Variants in ASIC2 observed in about 807,000 individuals in gnomAD.
The protein encoded by ASIC2 is acid sensing ion channel subunit 2.
In ASIC2, 25 loss-of-function variants were observed where a neutral mutation model predicts 57.3. That is an observed-to-expected ratio of 0.44 (90% confidence interval 0.32 to 0.61). The LOEUF is 0.61. Ranked by LOEUF, ASIC2 falls within the 20% of genes least tolerant of loss-of-function variation. The pLI, the probability that ASIC2 is intolerant of heterozygous loss-of-function variation, is 0.06. For missense variants in ASIC2, 641 were observed against 738.1 expected, an observed-to-expected ratio of 0.87 and a Z score of 1.52; for synonymous variants, 319 against 307.5, an observed-to-expected ratio of 1.04 and a Z score of -0.39.
chr17:33,639,761 G>GAAA (rs3032192), intron 1 of ASIC2, among the ~76,000 whole-genome samples: 32,977 of 124,782 alleles, frequency 0.26, 4,642 homozygotes, highest in South Asian at 0.34. Flanking sequence ...CTCAGGTTAA[G>GAAA]AAAAAAAAAA....
chr17:33,740,062 C>A (rs1017543568), intron 1 of ASIC2, among the ~76,000 whole-genome samples: 1 of 151,982 alleles, frequency 6.6e-6, no homozygotes, highest in Middle Eastern at 3.4e-3. Flanking sequence ...CAGGTAAGAG[C>A]CTTGGGAGCC....
chr17:33,325,120 G>C (rs1033754183), intron 1 of ASIC2, among the ~76,000 whole-genome samples: 1 of 152,104 alleles, frequency 6.6e-6, no homozygotes. Context: ...GATGCCACAA[G>C]AAACAAACAA....
At chr17:33,363,430 G>T (rs1181798044) in intron 1 of ASIC2, among the ~76,000 whole-genome samples, 1 of 152,210 alleles carries the variant, frequency 6.6e-6, no homozygotes, top group African/African-American at 2.4e-5. Flanking sequence ...GAAAAACTGA[G>T]ATTTTATAAA....
chr17:34,039,373 C>T, intron 1 of ASIC2: 2 of 1,613,940 alleles, frequency 1.2e-6, no homozygotes, highest in South Asian at 2.2e-5. Context: ...GCCAGCTCCC[C>T]TTTGCGCCAG....
At position 33,552,941 on chromosome 17, in the gene ASIC2, A is replaced by C. The variant is rs1030911870; in HGVS notation, c.556-440874T>G. ...GAGCTGGGAGGGGAAATGCATTTGCAGTGGGTCTCTTCTCCCTCCCAACTG... is the reference window on the plus strand; with the variant it reads ...GAGCTGGGAGGGGAAATGCATTTGCCGTGGGTCTCTTCTCCCTCCCAACTG... On this transcript the variant is annotated intron_variant, in intron 1 of 9. Coordinates refer to the ASIC2 transcript ENST00000359872. Among the ~76,000 whole-genome samples the C allele has an allele frequency of 1.1e-3, 169 of 152,300 alleles. 1 individual carries two copies. Among genetic ancestry groups the C allele is most frequent in the Non-Finnish European group, 1.9e-4 (13 of 68,020 alleles).
intron 3 of ASIC2, among the ~76,000 whole-genome samples, chr17:33,071,273 C>T (rs942044166): frequency 1.3e-5 from 2 of 152,180 alleles, no homozygotes; most frequent in Non-Finnish European, 2.9e-5. Context: ...CTCATTGCTA[C>T]ATTCTTCATT....
intron 1 of ASIC2, among the ~76,000 whole-genome samples, chr17:33,376,535 T>A (rs1195648331): frequency 2.0e-5 from 3 of 152,212 alleles, no homozygotes; most frequent in Non-Finnish European, 4.4e-5. Flanking sequence ...GGGCATTCTT[T>A]AGGTGTTTTA....
At chr17:34,112,071 C>T (rs1911294372) in intron 1 of ASIC2, among the ~76,000 whole-genome samples, 1 of 151,740 alleles carries the variant, frequency 6.6e-6, no homozygotes, top group South Asian at 2.1e-4. Context: ...AAGTGATTTC[C>T]CAAAATAGTC....
At chr17:33,913,329 G>A (rs1325223631) in intron 1 of ASIC2, among the ~76,000 whole-genome samples, 1 of 151,686 alleles carries the variant, frequency 6.6e-6, no homozygotes, top group East Asian at 1.9e-4. Flanking sequence ...TTTTTTTTAA[G>A]CAAAATGGCC....
intron 1 of ASIC2, among the ~76,000 whole-genome samples, chr17:33,417,702 C>T (rs536490196): frequency 2.1e-4 from 32 of 152,252 alleles, no homozygotes; most frequent in South Asian, 1.0e-3. Context: ...CCAATGTTTC[C>T]GCCCCTCTGC....
intron 1 of ASIC2, among the ~76,000 whole-genome samples, chr17:33,812,775 C>G (rs1414689041): frequency 6.6e-6 from 1 of 152,160 alleles, no homozygotes; most frequent in Non-Finnish European, 1.5e-5. Context: ...CACATTAGAC[C>G]TAGGACAGAT....
chr17:33,968,894 G>C (rs1905146057), intron 1 of ASIC2, among the ~76,000 whole-genome samples: 1 of 152,252 alleles, frequency 6.6e-6, no homozygotes, highest in South Asian at 2.1e-4. Flanking sequence ...CAAGGGGACA[G>C]GGGGCTTGTG....
intron 1 of ASIC2, among the ~76,000 whole-genome samples, chr17:33,434,447 T>C (rs2141980348): frequency 6.6e-6 from 1 of 152,304 alleles, no homozygotes; most frequent in Admixed American, 6.5e-5. Context: ...AAAAATTATT[T>C]AGGCATCTAG....
chr17:33,945,301 G>C (rs1597942798), intron 1 of ASIC2, among the ~76,000 whole-genome samples: 1 of 149,302 alleles, frequency 6.7e-6, no homozygotes, highest in East Asian at 2.0e-4. Context: ...ACAGGCATAA[G>C]GGCTTGCCCA....
chr17:33,649,696 A>G (rs906120301), intron 1 of ASIC2, among the ~76,000 whole-genome samples: 11 of 151,968 alleles, frequency 7.2e-5, no homozygotes, highest in African/African-American at 2.7e-4. Flanking sequence ...TTAAAGAAAC[A>G]GAACAAAGAA....
In ASIC2 at chr17:33,686,989, C is replaced by A. The variant is rs150797298; in HGVS notation, c.555+468989G>T. Among the ~76,000 whole-genome samples, 14 of 152,254 alleles carry A rather than the reference C, an allele frequency of 9.2e-5. No homozygotes were observed. In the East Asian group the frequency reaches 2.5e-3, roughly 27 times the overall value. On this transcript the variant is annotated intron_variant, in intron 1 of 9. Coordinates refer to the ASIC2 transcript ENST00000359872. ...CTGAGGCCATGAATGACCAAGGGAACCTATGCGGGCTTTGGGGTTACACAG... is the reference window on the plus strand; with the variant it reads ...CTGAGGCCATGAATGACCAAGGGAAACTATGCGGGCTTTGGGGTTACACAG...
intron 1 of ASIC2, among the ~76,000 whole-genome samples, chr17:33,451,827 T>C (rs1349413381): frequency 6.6e-6 from 1 of 152,214 alleles, no homozygotes; most frequent in African/African-American, 2.4e-5. Flanking sequence ...ACCCTACGTT[T>C]TTCCTTGTTT....
intron 1 of ASIC2, among the ~76,000 whole-genome samples, chr17:33,568,252 G>T (rs1381718534): frequency 1.3e-5 from 2 of 152,140 alleles, no homozygotes; most frequent in Non-Finnish European, 2.9e-5. Flanking sequence ...TTCCCACTGG[G>T]TTATGTCAAA....
chr17:33,463,249 A>C (rs2141913215), intron 1 of ASIC2, among the ~76,000 whole-genome samples: 1 of 152,292 alleles, frequency 6.6e-6, no homozygotes, highest in East Asian at 1.9e-4. Flanking sequence ...AGTTTGACCC[A>C]GTATCTGTCT....
Sources: gnomAD v4.1 joint callset for allele counts (sites outside exome capture counted in the v4.1 genomes callset) on GRCh38, gnomAD v4.1.1 for gene constraint, MANE v1.5 for transcripts, NCBI Gene and HGNC (gene_info 2026-07-23, HGNC 2026-07-21) for gene names.